The following IGF2BP2 variants were observed in gnomAD, a reference collection of about 807,000 sequenced individuals.
IGF2BP2 encodes insulin-like growth factor 2 mRNA-binding protein 2.
In IGF2BP2, 17 loss-of-function variants were observed where a neutral mutation model predicts 75.8. That is an observed-to-expected ratio of 0.22 (90% CI 0.15 to 0.34). IGF2BP2 has a LOEUF of 0.34. Ranked by LOEUF, IGF2BP2 falls within the 10% of genes least tolerant of loss-of-function variation. The pLI, the probability that IGF2BP2 is intolerant of heterozygous loss-of-function variation, is 1.00. For missense variants in IGF2BP2, 516 were observed against 772.4 expected (o/e 0.67, Z 3.93); for synonymous variants, 288 against 295.6 (o/e 0.97, Z 0.26).
intron 2 of IGF2BP2, among the ~76,000 whole-genome samples, chr3:185,796,683 CATTT>C (rs942936458): frequency 6.0e-5 from 9 of 149,356 alleles, no homozygotes; most frequent in Non-Finnish European, 8.9e-5. Context: ...CCTACCAGCA[CATTT>C]ATTTGTTAAT....
At chr3:185,734,238 C>T (rs942342132) in intron 2 of IGF2BP2, among the ~76,000 whole-genome samples, 1 of 152,178 alleles carries the variant, frequency 6.6e-6, no homozygotes, top group African/African-American at 2.4e-5. Flanking sequence ...CATACTTTAT[C>T]TCATTCAATT....
chr3:185,692,215 G>T (rs976287951), intron 5 of IGF2BP2, among the ~76,000 whole-genome samples: 12 of 152,220 alleles, frequency 7.9e-5, no homozygotes, highest in African/African-American at 2.9e-4. Context: ...CACTGAGGTG[G>T]ATTCCCTCCT....
At chr3:185,655,425 C>A (rs1665980093) in intron 12 of IGF2BP2, among the ~76,000 whole-genome samples, 1 of 152,212 alleles carries the variant, frequency 6.6e-6, no homozygotes, top group Admixed American at 6.5e-5. Flanking sequence ...GTCACCACGC[C>A]CGGCTGACTG....
chr3:185,677,058 T>TAGAG (rs1560276099), intron 7 of IGF2BP2, among the ~76,000 whole-genome samples: 4 of 54,560 alleles, frequency 7.3e-5, no homozygotes, highest in African/African-American at 3.3e-4. Context: ...TATATATATA[T>TAGAG]ATATATATAT....
intron 4 of IGF2BP2, 65 bp from the exon 5 acceptor site, chr3:185,692,827 AACAG>A (rs1206859000): frequency 4.9e-6 from 7 of 1,418,640 alleles, no homozygotes; most frequent in East Asian, 2.3e-5. Flanking sequence ...GCTTAATGTA[AACAG>A]ACAAACTTTA....
At chr3:185,694,528 G>C (rs1454276449) in intron 4 of IGF2BP2, among the ~76,000 whole-genome samples, 1 of 152,178 alleles carries the variant, frequency 6.6e-6, no homozygotes, top group Non-Finnish European at 1.5e-5. Flanking sequence ...AAACTCTACT[G>C]AAAATATTTT....
At chr3:185,773,343 G>A (rs1316807135) in intron 2 of IGF2BP2, among the ~76,000 whole-genome samples, 1 of 152,166 alleles carries the variant, frequency 6.6e-6, no homozygotes, top group African/African-American at 2.4e-5. Flanking sequence ...TGAGCTTTTG[G>A]CTAAGACAGA....
intron 2 of IGF2BP2, among the ~76,000 whole-genome samples, chr3:185,701,992 CT>C (rs1408189336): frequency 6.6e-6 from 1 of 152,070 alleles, no homozygotes; most frequent in Non-Finnish European, 1.5e-5. Flanking sequence ...CTGGCATGTC[CT>C]TCAAAACGCA....
intron 2 of IGF2BP2, among the ~76,000 whole-genome samples, chr3:185,742,676 G>T (rs1729728387): frequency 6.6e-6 from 1 of 151,586 alleles, no homozygotes; most frequent in African/African-American, 2.4e-5. Flanking sequence ...AAAAATAAAA[G>T]TGAAACAAAA....
chr3:185,820,808 T>C (rs915962074), intron 2 of IGF2BP2, among the ~76,000 whole-genome samples: 10 of 152,206 alleles, frequency 6.6e-5, no homozygotes, highest in Non-Finnish European at 1.3e-4. Flanking sequence ...CACTCAATTG[T>C]TGAATGATTT....
In IGF2BP2 at chr3:185,644,376, G is replaced by C. The variant is rs930120833; in HGVS notation, c.*1155C>G. 10 of 152,156 alleles carry C rather than the reference G, an allele frequency of 6.6e-5. No individual in the cohort carries two copies. The highest frequency in any genetic ancestry group is 6.6e-5 in the Admixed American group (1 of 15,226). The allele number at this position is 152,156 out of a possible 1,614,324, so 9.4% of individuals were successfully genotyped here. On this transcript the variant is annotated 3_prime_UTR_variant, in exon 16 of 16. Transcript: ENST00000382199. ...ATATTGATGGCTTATACACCAAAAT[G>C]CAAAAAGACAAAATACATTCTTTCA...
Position 185,689,335 on chromosome 3 carries a change from G to A in IGF2BP2, c.677+20C>T, listed in dbSNP as rs755133477. ...GGGGACCCCTCAGAAGGAAGCAAAG[G>A]AAGCCCCACAGGCACGTACCGGGAC... On this transcript the variant is annotated intron_variant, in intron 6 of 15. Coordinates refer to ENST00000382199, the MANE Select transcript of IGF2BP2 (RefSeq NM_006548.6). The A allele has an allele frequency of 1.2e-5, 19 of 1,607,530 alleles. No homozygotes were observed. The highest frequency in any genetic ancestry group is 1.6e-5 in the Non-Finnish European group (19 of 1,177,826).
intron 15 of IGF2BP2, among the ~76,000 whole-genome samples, chr3:185,646,608 T>C (rs1421536788): frequency 1.3e-5 from 2 of 152,088 alleles, no homozygotes; most frequent in African/African-American, 2.4e-5. Context: ...GCCGTGAGCA[T>C]GTAGTCTTTC....
intron 14 of IGF2BP2, among the ~76,000 whole-genome samples, chr3:185,649,067 C>T (rs1714107956): frequency 6.6e-6 from 1 of 151,762 alleles, no homozygotes; most frequent in African/African-American, 2.4e-5. Flanking sequence ...ATAAAGGGGG[C>T]AGAAGACAGC....
Position 185,726,703 on chromosome 3 carries a change from C to A in IGF2BP2, c.240-28356G>T, listed in dbSNP as rs1306588960. Among the ~76,000 whole-genome samples, 4 of 152,152 alleles carry A rather than the reference C, an allele frequency of 2.6e-5. No individual in the cohort carries two copies. The East Asian group carries it at 7.7e-4, about 29-fold the overall frequency. On this transcript the variant is annotated intron_variant, in intron 2 of 15. Coordinates refer to ENST00000382199, the MANE Select transcript of IGF2BP2 (RefSeq NM_006548.6). ...AAAGGCCACACAGCAAGTCAAAAGC[C>A]AAGGCAAGATTAGAACAGGGCCTGC...
intron 2 of IGF2BP2, among the ~76,000 whole-genome samples, chr3:185,725,912 C>G (rs1727258627): frequency 6.6e-6 from 1 of 152,082 alleles, no homozygotes; most frequent in African/African-American, 2.4e-5. Flanking sequence ...TACAGTAAGC[C>G]ATGAACATGC....
chr3:185,791,943 G>T (rs1736694023), intron 2 of IGF2BP2, among the ~76,000 whole-genome samples: 1 of 152,182 alleles, frequency 6.6e-6, no homozygotes, highest in Non-Finnish European at 1.5e-5. Flanking sequence ...GACAATGGGG[G>T]ATCTTCTAGG....
At chr3:185,736,800 T>C (rs1280416844) in intron 2 of IGF2BP2, among the ~76,000 whole-genome samples, 1 of 152,192 alleles carries the variant, frequency 6.6e-6, no homozygotes, top group East Asian at 1.9e-4. Flanking sequence ...ATGCCTGAAT[T>C]TGGCTTCCAC....
At chr3:185,663,699 C>CT (rs1716843892) in intron 10 of IGF2BP2, among the ~76,000 whole-genome samples, 1 of 152,116 alleles carries the variant, frequency 6.6e-6, no homozygotes, top group African/African-American at 2.4e-5. Context: ...TTTAATTGAT[C>CT]TTTTGTACTG....
Sources: gnomAD v4.1 joint callset for allele counts (sites outside exome capture counted in the v4.1 genomes callset) on GRCh38, gnomAD v4.1.1 for gene constraint, MANE v1.5 for transcripts, NCBI Gene and HGNC (gene_info 2026-07-23, HGNC 2026-07-21) for gene names.